The following COL5A2 variants were observed in gnomAD, a reference collection of about 807,000 sequenced individuals.
The protein encoded by COL5A2 is collagen type V alpha 2 chain.
In COL5A2, 23 loss-of-function variants were observed where a neutral mutation model predicts 208.2. That is an observed-to-expected ratio of 0.11 (90% confidence interval 0.08 to 0.16). The LOEUF is 0.16. COL5A2 is among the 10% of genes least tolerant of loss of function. The probability of loss-of-function intolerance (pLI) is 1.00; values close to 1 mark genes in which losing one functional copy is unlikely to be tolerated. For missense variants in COL5A2, 1,590 were observed against 1,956.4 expected (o/e 0.81, Z 3.53); for synonymous variants, 625 against 628.5 (o/e 0.99, Z 0.08).
chr2:189,037,337 T>A (rs900876916), intron 51 of COL5A2, among the ~76,000 whole-genome samples: 1 of 152,198 alleles, frequency 6.6e-6, no homozygotes, highest in Admixed American at 6.5e-5. Flanking sequence ...AGGCAGTGCC[T>A]GGTGGTAGGC....
At chr2:189,369,496 G>C in the COL5A2 span, among the ~76,000 whole-genome samples, 1 of 151,818 alleles carries the variant, frequency 6.6e-6, no homozygotes, top group Admixed American at 6.6e-5. Context: ...TTTTAACTGA[G>C]GGAGTTTGAT....
At chr2:189,437,429 C>G in the COL5A2 span, among the ~76,000 whole-genome samples, 3 of 152,204 alleles carry the variant, frequency 2.0e-5, no homozygotes, top group Non-Finnish European at 2.9e-5. Flanking sequence ...ACTGCTGTTG[C>G]TGGTCCACGG....
At chr2:189,385,308 C>A in the COL5A2 span, among the ~76,000 whole-genome samples, 1 of 152,092 alleles carries the variant, frequency 6.6e-6, no homozygotes, top group Admixed American at 6.6e-5. Context: ...GTACAAAACT[C>A]AACAGTATTT....
chr2:189,072,096 A>G lies in COL5A2; in HGVS notation c.1105-3T>C, dbSNP rs886038289. 6.2e-7 allele frequency: 1 copy of G among 1,605,642 alleles called. No individual in the cohort carries two copies. Among genetic ancestry groups the G allele is most frequent in the Non-Finnish European group, 8.5e-7 (1 of 1,173,750 alleles). On this transcript the variant is annotated splice_polypyrimidine_tract_variant and splice_region_variant and intron_variant, in intron 17 of 53. Transcript: ENST00000374866. ...GAGCCTGGTATCCCAAGAGGACCCT[A>G]TTAAAAGAAACCAGAAAAGTAATCA... is the stretch of plus-strand genomic sequence containing the variant.
At chr2:189,154,163 T>C (rs571964444) in intron 1 of COL5A2, among the ~76,000 whole-genome samples, 2 of 152,210 alleles carry the variant, frequency 1.3e-5, no homozygotes, top group Non-Finnish European at 2.9e-5. Context: ...AACTCACAGC[T>C]CTTTGGATAC....
chr2:189,267,681 T>G, the COL5A2 span, among the ~76,000 whole-genome samples: 2 of 152,094 alleles, frequency 1.3e-5, no homozygotes, highest in African/African-American at 2.4e-5. Context: ...CCTGGAGACA[T>G]GATTCACAAA....
chr2:189,111,977 T>C (rs551278751), intron 1 of COL5A2, among the ~76,000 whole-genome samples: 1 of 152,240 alleles, frequency 6.6e-6, no homozygotes, highest in Non-Finnish European at 1.5e-5. Flanking sequence ...GCAATTCTCC[T>C]GCCTCAGCCT....
chr2:189,228,316 G>A (rs1290752804), upstream of COL5A2, among the ~76,000 whole-genome samples: 1 of 151,134 alleles, frequency 6.6e-6, no homozygotes, highest in African/African-American at 2.4e-5. Flanking sequence ...AACTTAGAGA[G>A]GAAATAAATG....
At chr2:189,129,064 G>T (rs1450494903) in intron 1 of COL5A2, among the ~76,000 whole-genome samples, 1 of 151,880 alleles carries the variant, frequency 6.6e-6, no homozygotes, top group Non-Finnish European at 1.5e-5. Context: ...AATATAAGAA[G>T]TCTCAAAGTT....
chr2:189,045,024 T>TA (rs1685635263), intron 47 of COL5A2, among the ~76,000 whole-genome samples, 155 bp downstream of exon 47: 1 of 152,076 alleles, frequency 6.6e-6, no homozygotes, highest in African/African-American at 2.4e-5. Context: ...CGTATTACTT[T>TA]AAAAAATAAG....
chr2:189,233,679 A>G, the COL5A2 span, among the ~76,000 whole-genome samples: 1 of 151,698 alleles, frequency 6.6e-6, no homozygotes, highest in Non-Finnish European at 1.5e-5. Context: ...TCAAATTAAG[A>G]TTTCTCAACT....
intron 5 of COL5A2, among the ~76,000 whole-genome samples, chr2:189,098,173 A>G (rs1374994270): frequency 1.3e-5 from 2 of 152,240 alleles, no homozygotes; most frequent in African/African-American, 4.8e-5. Flanking sequence ...CTTCAGAAGA[A>G]CCAGAGTGAG....
At chr2:189,346,816 G>A in the COL5A2 span, among the ~76,000 whole-genome samples, 2 of 152,146 alleles carry the variant, frequency 1.3e-5, no homozygotes, top group African/African-American at 2.4e-5. Flanking sequence ...GGAGCCACCA[G>A]ACCTGGTGCT....
chr2:189,076,565 A>T (rs1019701433), intron 16 of COL5A2, among the ~76,000 whole-genome samples: 1 of 152,218 alleles, frequency 6.6e-6, no homozygotes, highest in Non-Finnish European at 1.5e-5. Context: ...ATAAATCACC[A>T]AAGTAAGACT....
chr2:189,217,713 G>A (rs890276241), intron 1 of COL5A2, among the ~76,000 whole-genome samples: 4 of 152,136 alleles, frequency 2.6e-5, no homozygotes, highest in Non-Finnish European at 5.9e-5. Context: ...TGTAGCTGGG[G>A]CATCTCTACG....
the COL5A2 span, chr2:189,311,244 C>A: frequency 0.032 from 47,064 of 1,451,662 alleles, 866 homozygotes; most frequent in Admixed American, 0.052. Flanking sequence ...CCAAAGGGTA[C>A]CCTGCTTCTG....
the COL5A2 span, among the ~76,000 whole-genome samples, chr2:189,350,956 T>A: frequency 9.2e-4 from 140 of 152,332 alleles, no homozygotes; most frequent in African/African-American, 3.3e-3. Flanking sequence ...CTTTCTGTGA[T>A]GTCTCAGAAA....
At chr2:189,398,140 T>C in the COL5A2 span, among the ~76,000 whole-genome samples, 1 of 152,184 alleles carries the variant, frequency 6.6e-6, no homozygotes, top group African/African-American at 2.4e-5. Flanking sequence ...AATCCAATTG[T>C]GCTCACTGAA....
At chr2:189,211,247 C>A (rs537527846) in intron 1 of COL5A2, among the ~76,000 whole-genome samples, 10 of 152,214 alleles carry the variant, frequency 6.6e-5, no homozygotes, top group African/African-American at 2.4e-4. Context: ...AATCCTGATG[C>A]TTTCCAAAAT....
Sources: allele counts gnomAD v4.1 joint callset (sites outside exome capture counted in the v4.1 genomes callset), GRCh38; gene constraint gnomAD v4.1.1; transcripts MANE v1.5; gene names NCBI Gene and HGNC (gene_info 2026-07-23, HGNC 2026-07-21).